Variants in DNAH9 observed in about 807,000 individuals in gnomAD.
DNAH9 encodes the protein DNAH9 variant protein.
Under a neutral mutation model 471.6 loss-of-function variants are expected in DNAH9, and 345 were observed. The ratio of observed to expected loss-of-function variants is 0.73; its 90% CI spans 0.67 to 0.80. DNAH9 has a LOEUF of 0.80. Ranked by LOEUF, DNAH9 falls within the 30% of genes least tolerant of loss-of-function variation. DNAH9 has a pLI of 0.00. For synonymous variants in DNAH9, 2,093 were observed against 2,123.6 expected, an observed-to-expected ratio of 0.99 and a Z score of 0.40; for missense variants, 5,407 against 5,609.2, an observed-to-expected ratio of 0.96 and a Z score of 1.15.
chr17:11,770,374 T>G (rs1049436983), intron 38 of DNAH9, among the ~76,000 whole-genome samples: 2 of 152,144 alleles, frequency 1.3e-5, no homozygotes, highest in Non-Finnish European at 2.9e-5. Context: ...CCAGTGCCCC[T>G]GGGGGAATTC....
At chr17:11,858,418 C>T (rs556909448) in intron 50 of DNAH9, among the ~76,000 whole-genome samples, 5 of 152,268 alleles carry the variant, frequency 3.3e-5, no homozygotes, top group East Asian at 1.9e-4. Flanking sequence ...GGTACTTTTA[C>T]GTAAAAATCT....
At chr17:11,968,808 A>T (rs1180233197) in intron 68 of DNAH9, among the ~76,000 whole-genome samples, 1 of 152,242 alleles carries the variant, frequency 6.6e-6, no homozygotes, top group African/African-American at 2.4e-5. Flanking sequence ...TTACATGAGT[A>T]AAGATAGAAT....
intron 68 of DNAH9, among the ~76,000 whole-genome samples, chr17:11,969,098 T>A (rs1158526393): frequency 6.6e-6 from 1 of 152,174 alleles, no homozygotes; most frequent in African/African-American, 2.4e-5. Context: ...TTCACCTGAT[T>A]TAGGCAGAGA....
intron 17 of DNAH9, among the ~76,000 whole-genome samples, chr17:11,676,275 CTTTTTTTTTTTT>C (rs67397847): frequency 2.7e-5 from 2 of 73,882 alleles, no homozygotes; most frequent in Admixed American, 2.0e-4. Flanking sequence ...CATTTCTGTT[CTTTTTTTTTTTT>C]TTTTTTTTTT....
At chr17:11,707,385 T>G (rs559099495) in intron 26 of DNAH9, among the ~76,000 whole-genome samples, 5 of 152,208 alleles carry the variant, frequency 3.3e-5, no homozygotes, top group Non-Finnish European at 7.3e-5. Flanking sequence ...TTCCAAGTAT[T>G]TGATAAATAT....
chr17:11,762,056 C>CA (rs1967698080), intron 35 of DNAH9, among the ~76,000 whole-genome samples: 2 of 152,086 alleles, frequency 1.3e-5, no homozygotes, highest in Non-Finnish European at 2.9e-5. Flanking sequence ...AAATACACAT[C>CA]AAACAAATGA....
intron 48 of DNAH9, among the ~76,000 whole-genome samples, chr17:11,825,119 C>T (rs1177522577): frequency 6.6e-6 from 1 of 152,118 alleles, no homozygotes; most frequent in African/African-American, 2.4e-5. Context: ...TCTTAGGATT[C>T]CAGTTCAGGG....
rs369128133 is a variant in DNAH9 at position 11,684,736 on chromosome 17, T to A, written c.3743+3847T>A. ...CTATGAATGGCTGGGAGGGCTTTCT[T>A]GAAGATATCTTCCATGGGGTGCTGT... On this transcript the variant is annotated intron_variant, in intron 19 of 68. Transcript: ENST00000262442. 9.8e-5 allele frequency among the ~76,000 whole-genome samples: 15 copies of A among 152,314 alleles called. No homozygotes were observed. In the East Asian group the frequency reaches 1.2e-3, roughly 12 times the overall value.
Position 11,962,310 on chromosome 17 carries a change from A to AT in DNAH9, c.13233+56dup. 4 of 1,517,016 alleles carry AT rather than the reference A, an allele frequency of 2.6e-6. No individual in the cohort carries two copies. Among genetic ancestry groups the AT allele is most frequent in the Non-Finnish European group, 3.5e-6 (4 of 1,138,614 alleles). 94.0% of individuals were successfully genotyped at this position (1,517,016 alleles called of 1,614,324 possible). On this transcript the variant is annotated intron_variant, in intron 68 of 68. Coordinates refer to ENST00000262442, the MANE Select transcript of DNAH9 (RefSeq NM_001372.4). This position sits in a 1 kb window ranked among gnomAD's most constrained non-coding sequence, Gnocchi z 4.1. ...CTTTCTGGGGGCTGATTAAATACAC[A>AT]TTGCTTCCTATGAAGTGTGACTACT...
At position 11,738,542 on chromosome 17, in the gene DNAH9, G is replaced by A. The variant is rs550888925; in HGVS notation, c.5815-338G>A. Among the ~76,000 whole-genome samples the A allele has an allele frequency of 5.3e-5, 8 of 152,180 alleles. No individual in the cohort carries two copies. In the South Asian group the frequency reaches 6.2e-4, roughly 12 times the overall value. ...ATTACAGATGCACACCACCATACCC[G>A]GCTGATTTTTGTATTTTTAGTAGAG... On this transcript the variant is annotated intron_variant, in intron 28 of 68. Coordinates refer to ENST00000262442, the MANE Select transcript of DNAH9 (RefSeq NM_001372.4).
Position 11,880,153 on chromosome 17 carries a change from T to C in DNAH9, c.10554T>C (p.Asp3518=). The part of the protein sequence containing the change: ...VLIENLEESI[D]PVLGPLLGRE... ...TTGAAAATCTAGAGGAGTCCATTGA[T>C]CCTGTTCTGGGACCCCTGCTTGGGA... Residue 3518 remains aspartate (D), a synonymous_variant, in exon 54 of 69, where the codon GAT becomes GAC. Coordinates refer to ENST00000262442, the MANE Select transcript of DNAH9 (RefSeq NM_001372.4). The C allele has an allele frequency of 6.2e-7, 1 of 1,614,028 alleles. No homozygotes were observed. The highest frequency in any genetic ancestry group is 1.1e-5 in the South Asian group (1 of 91,070).
intron 28 of DNAH9, among the ~76,000 whole-genome samples, chr17:11,734,393 A>G (rs539495885): frequency 5.3e-5 from 8 of 152,354 alleles, no homozygotes; most frequent in South Asian, 4.1e-4. Flanking sequence ...TTCCTGCGGA[A>G]TAGGACCAGT....
At chr17:11,920,572 G>T (rs951499978) in intron 61 of DNAH9, among the ~76,000 whole-genome samples, 1 of 148,970 alleles carries the variant, frequency 6.7e-6, no homozygotes, top group Admixed American at 6.7e-5. Flanking sequence ...AGTGAGCTGA[G>T]ATTGCGCCAT....
chr17:11,785,635 C>T (rs554588760), intron 41 of DNAH9, among the ~76,000 whole-genome samples: 13 of 152,300 alleles, frequency 8.5e-5, no homozygotes, highest in Admixed American at 2.6e-4. Flanking sequence ...TCTCTGAGAA[C>T]ACATCCAGGC....
chr17:11,627,232 A>G (rs2072985158), intron 6 of DNAH9, among the ~76,000 whole-genome samples: 1 of 152,228 alleles, frequency 6.6e-6, no homozygotes, highest in Admixed American at 6.5e-5. Flanking sequence ...GACTTTCTCC[A>G]AAAGTAGAAT....
chr17:11,741,632 A>G (rs1251035740), intron 29 of DNAH9, among the ~76,000 whole-genome samples: 1 of 152,168 alleles, frequency 6.6e-6, no homozygotes, highest in Non-Finnish European at 1.5e-5. Context: ...GACCCACTTA[A>G]TACATACTTT....
rs1974734333 is a variant in DNAH9 at position 11,937,040 on chromosome 17, A to G, written c.12490-312A>G. Among the ~76,000 whole-genome samples the G allele has an allele frequency of 6.6e-6, 1 of 152,194 alleles. No individual in the cohort carries two copies. Among genetic ancestry groups the G allele is most frequent in the African/African-American group, 2.4e-5 (1 of 41,440 alleles). On this transcript the variant is annotated intron_variant, in intron 65 of 68. Transcript: ENST00000262442. The surrounding 1 kb of genome is among the most constrained non-coding windows in gnomAD (Gnocchi z 4.1). ...TATGAGAAGTCCTCCTCTGGTCTGCAGGAAAAAGAGTCATCAGGGAGGAGT... is the reference window on the plus strand; with the variant it reads ...TATGAGAAGTCCTCCTCTGGTCTGCGGGAAAAAGAGTCATCAGGGAGGAGT...
At chr17:11,600,199 C>G (rs1219416516) in intron 1 of DNAH9, among the ~76,000 whole-genome samples, 1 of 152,158 alleles carries the variant, frequency 6.6e-6, no homozygotes, top group Non-Finnish European at 1.5e-5. Context: ...CCCGCTGAAG[C>G]CTGAACTTAG....
chr17:11,713,387 G>A (rs909743513), intron 26 of DNAH9, among the ~76,000 whole-genome samples: 11 of 152,110 alleles, frequency 7.2e-5, no homozygotes, highest in African/African-American at 2.7e-4. Context: ...CTTTATGGCA[G>A]AATGATTTAT....
Sources: gnomAD v4.1 joint callset for allele counts (sites outside exome capture counted in the v4.1 genomes callset) on GRCh38, gnomAD v4.1.1 for gene constraint, Gnocchi (gnomAD v3.1) non-coding constraint, MANE v1.5 for transcripts, NCBI Gene and HGNC (gene_info 2026-07-23, HGNC 2026-07-21) for gene names.